SLC38A8: variants seen among roughly 807,000 people sequenced by gnomAD.
The protein encoded by SLC38A8 is solute carrier family 38 member 8, also known as amino acid transporter SLC38A8.
SLC38A8 carries 65 observed loss-of-function variants against 46.0 expected under a neutral mutation model. That is an observed-to-expected ratio of 1.41 (90% CI 1.16 to 1.74). The LOEUF is 1.74. SLC38A8 is among the 40% of genes most tolerant of loss of function. SLC38A8 has a pLI of 0.00. For synonymous variants in SLC38A8, 447 were observed against 243.7 expected, an observed-to-expected ratio of 1.83 and a Z score of -7.77; for missense variants, 998 against 567.9, an observed-to-expected ratio of 1.76 and a Z score of -7.70.
intron 5 of SLC38A8, 99 bp downstream of exon 5, chr16:84,031,768 C>T: frequency 2.0e-6 from 2 of 994,978 alleles, no homozygotes; most frequent in Non-Finnish European, 3.1e-6. Flanking sequence ...CCAGGCTCTG[C>T]AGTGAGCCAC....
At chr16:84,011,647 T>C (rs191215148) in intron 10 of SLC38A8, among the ~76,000 whole-genome samples, 37 of 152,300 alleles carry the variant, frequency 2.4e-4, no homozygotes, top group African/African-American at 8.2e-4. Flanking sequence ...GTTTTGCAGA[T>C]GTAATTAAGG....
In SLC38A8 at chr16:84,009,759, C is replaced by T; in HGVS notation, c.*25G>A. 6.2e-7 allele frequency: 1 copy of T among 1,607,056 alleles called. No individual in the cohort carries two copies. Among genetic ancestry groups the T allele is most frequent in the Non-Finnish European group, 8.5e-7 (1 of 1,176,918 alleles). ...CGTAGGGTCAGCCCCCGGAGGGCCC[C>T]TTCCTGCCCGGCACTAGCTGCCCAT... On this transcript the variant is annotated 3_prime_UTR_variant, in exon 11 of 11. Coordinates refer to ENST00000299709, the MANE Select transcript of SLC38A8 (RefSeq NM_001080442.3).
intron 6 of SLC38A8, among the ~76,000 whole-genome samples, chr16:84,029,095 C>A (rs62045927): frequency 0.16 from 24,282 of 152,130 alleles, 2,153 homozygotes; most frequent in East Asian, 0.33. Context: ...CAGAGTCCAC[C>A]TGGGTAAAAC....
At chr16:84,026,252 CAG>C (rs1220402044) in intron 6 of SLC38A8, among the ~76,000 whole-genome samples, 2 of 148,654 alleles carry the variant, frequency 1.3e-5, no homozygotes, top group Non-Finnish European at 3.0e-5. Flanking sequence ...TTTTTTGAGA[CAG>C]AGTCTCGCTC....
chr16:84,034,399 A>G (rs538534525), intron 3 of SLC38A8, among the ~76,000 whole-genome samples: 23 of 152,208 alleles, frequency 1.5e-4, no homozygotes, highest in Non-Finnish European at 3.1e-4. Context: ...AGTGGGATGA[A>G]TGATTTGGAA....
In SLC38A8 at chr16:84,016,645, C is replaced by T. The variant is rs1452571700; in HGVS notation, c.1036G>A (p.Val346Ile). 1.2e-6 allele frequency: 2 copies of T among 1,613,772 alleles called. No homozygotes were observed. Among genetic ancestry groups the T allele is most frequent in the Non-Finnish European group, 1.7e-6 (2 of 1,180,042 alleles). Reference protein sequence around the residue: ...SALADPSGLWVRMPLTILWVT... With the variant: ...SALADPSGLWIRMPLTILWVT... ...CACAGGATGGTCAGCGGCATCCGGA[C>T]CCACAGCCCTGAGGGGTCGGCCAGG... Residue 346 changes from valine to isoleucine, a missense_variant, in exon 9 of 11, where the codon GTC becomes ATC. Val to Ile is a conservative substitution (Grantham distance 29). Transcript: ENST00000299709.
In SLC38A8 at chr16:84,016,694, G is replaced by A. The variant is rs368359353; in HGVS notation, c.987C>T (p.Cys329=). The A allele has an allele frequency of 1.9e-6, 3 of 1,613,162 alleles. No individual in the cohort carries two copies. Among genetic ancestry groups the A allele is most frequent in the African/African-American group, 2.7e-5 (2 of 74,910 alleles). ...GGGCGCTGGGCCCCCATCCCCCCAAGCAGCTCCTCCTCCAGAAGTCCTGCA... is the reference window on the plus strand; with the variant it reads ...GGGCGCTGGGCCCCCATCCCCCCAAACAGCTCCTCCTCCAGAAGTCCTGCA... ...SVMQDFWRRS[C]LGGWGPSALA... The change falls in exon 9 of 11, where the codon TGC becomes TGT. Residue 329 remains cysteine, a synonymous_variant. Transcript: ENST00000299709.
Position 84,037,929 on chromosome 16 carries a change from C to T in SLC38A8, c.190-1029G>A, listed in dbSNP as rs535056059. ...GTCCAAAGAATTCTCCTGCCTCAAC[C>T]TCCCGAGTATCTGGGACTACAGGCA... On this transcript the variant is annotated intron_variant, in intron 2 of 10. Coordinates refer to ENST00000299709, the MANE Select transcript of SLC38A8 (RefSeq NM_001080442.3). Among the ~76,000 whole-genome samples, 151 of 151,762 alleles carry T rather than the reference C, an allele frequency of 9.9e-4. 1 individual carries two copies. Among genetic ancestry groups the T allele is most frequent in the African/African-American group, 3.4e-3 (142 of 41,380 alleles).
At position 84,016,257 on chromosome 16, in the gene SLC38A8, A is replaced by G. The variant is rs9927180; in HGVS notation, c.1162+262T>C. On this transcript the variant is annotated intron_variant, in intron 9 of 10. Coordinates refer to ENST00000299709, the MANE Select transcript of SLC38A8 (RefSeq NM_001080442.3). ...CCTTGCCCTGCCCTTCACAGATGGT[A>G]ATTATTACAGTTCAAGGTGAGATTT... Among the ~76,000 whole-genome samples the G allele has an allele frequency of 0.64, 98,112 of 152,194 alleles. 33,466 individuals are homozygous for G. Among genetic ancestry groups the G allele is most frequent in the African/African-American group, 0.88 (36,716 of 41,518 alleles).
chr16:84,022,582 G>A (rs956378918), intron 7 of SLC38A8, among the ~76,000 whole-genome samples, 193 bp downstream of exon 7: 3 of 152,188 alleles, frequency 2.0e-5, no homozygotes, highest in African/African-American at 4.8e-5. Flanking sequence ...AAGTTCTGGA[G>A]GGCACCTGAG....
intron 5 of SLC38A8, among the ~76,000 whole-genome samples, chr16:84,030,857 C>T (rs1012520979): frequency 6.7e-6 from 1 of 149,292 alleles, no homozygotes; most frequent in Non-Finnish European, 1.5e-5. Flanking sequence ...CGCACACCCA[C>T]GAGCCAGCCC....
At position 84,042,595 on chromosome 16, in the gene SLC38A8, G is replaced by A. The variant is rs1311369238; in HGVS notation, c.-47C>T. 1.9e-5 allele frequency: 3 copies of A among 156,608 alleles called. No homozygotes were observed. The highest frequency in any genetic ancestry group is 6.3e-5 in the Admixed American group (1 of 15,930). The allele number at this position is 156,608 out of a possible 1,614,324, so 9.7% of individuals were successfully genotyped here. A position where few individuals can be genotyped will look rare whatever the true frequency, so the allele number is the denominator to read the frequency against. ...GGTGCCGGACAGTCTTTGGCTGTTG[G>A]GGATGGGACTCGGGCTTACTCCAGG... is the stretch of plus-strand genomic sequence containing the variant. On this transcript the variant is annotated 5_prime_UTR_variant, in exon 1 of 11. Coordinates refer to ENST00000299709, the MANE Select transcript of SLC38A8 (RefSeq NM_001080442.3).
Position 84,016,568 on chromosome 16 carries a change from G to T in SLC38A8, c.1113C>A (p.Ile371=), listed in dbSNP as rs113073498. 2.5e-6 allele frequency: 4 copies of T among 1,613,970 alleles called. No homozygotes were observed. Among genetic ancestry groups the T allele is most frequent in the South Asian group, 1.1e-5 (1 of 91,090 alleles). ...MALFMPDLSE[I]VSIIGGISSF... ...AACTGATGCCTCCGATGATGCTGAC[G>T]ATCTCGCTGAGGTCAGGCATAAACA... The change falls in exon 9 of 11, where the codon ATC becomes ATA. Residue 371 remains isoleucine, a synonymous_variant. Coordinates refer to ENST00000299709, the MANE Select transcript of SLC38A8 (RefSeq NM_001080442.3).
chr16:84,033,042 G>A (rs577626706), intron 4 of SLC38A8, among the ~76,000 whole-genome samples: 1 of 151,842 alleles, frequency 6.6e-6, no homozygotes, highest in Non-Finnish European at 1.5e-5. Flanking sequence ...GTGTGGGTAG[G>A]TGTGTGTTGT....
rs766322310 is a variant in SLC38A8 at position 84,016,667 on chromosome 16, C to T, written c.1014G>A (p.Leu338=). 11 of 1,613,664 alleles carry T rather than the reference C, an allele frequency of 6.8e-6. No individual in the cohort carries two copies. The highest frequency in any genetic ancestry group is 9.3e-6 in the Non-Finnish European group (11 of 1,180,004). Residue 338 remains leucine, a synonymous_variant, in exon 9 of 11, where the codon CTG becomes CTA. Coordinates refer to ENST00000299709, the MANE Select transcript of SLC38A8 (RefSeq NM_001080442.3). ...SCLGGWGPSA[L]ADPSGLWVRM... The stretch of plus-strand genomic sequence containing the variant: ...GGACCCACAGCCCTGAGGGGTCGGC[C>T]AGGGCGCTGGGCCCCCATCCCCCCA...
intron 4 of SLC38A8, among the ~76,000 whole-genome samples, chr16:84,033,060 C>A (rs529372064): frequency 1.3e-5 from 2 of 151,100 alleles, no homozygotes; most frequent in Non-Finnish European, 3.0e-5. Context: ...TGTGGGGAGG[C>A]GTCTCTCTCT....
chr16:84,032,687 G>A (rs976125094), intron 4 of SLC38A8, among the ~76,000 whole-genome samples: 2 of 152,252 alleles, frequency 1.3e-5, no homozygotes, highest in Admixed American at 6.5e-5. Flanking sequence ...AGACCTGAGG[G>A]AGGCTCGGGT....
At chr16:84,010,697 T>C (rs1398664586) in intron 10 of SLC38A8, among the ~76,000 whole-genome samples, 2 of 152,022 alleles carry the variant, frequency 1.3e-5, no homozygotes, top group Admixed American at 1.3e-4. Context: ...TGAGCCAAGA[T>C]TGCACCACTG....
intron 6 of SLC38A8, among the ~76,000 whole-genome samples, chr16:84,024,390 G>T (rs1357687891): frequency 6.6e-6 from 1 of 152,150 alleles, no homozygotes; most frequent in African/African-American, 2.4e-5. Context: ...CATTGCCCAG[G>T]CTGGTCTCAA....
Sources: allele counts gnomAD v4.1 joint callset (sites outside exome capture counted in the v4.1 genomes callset), GRCh38; gene constraint gnomAD v4.1.1; transcripts MANE v1.5; gene names NCBI Gene and HGNC (gene_info 2026-07-23, HGNC 2026-07-21).